ENTREP2: variants seen among roughly 807,000 people sequenced by gnomAD.
ENTREP2 encodes the protein protein ENTREP2.
chr15:29,566,946 G>C, the ENTREP2 span, among the ~76,000 whole-genome samples: 3 of 151,122 alleles, frequency 2.0e-5, no homozygotes, highest in African/African-American at 7.3e-5. Context: ...TCACAATGTA[G>C]CTGTTTGTCC....
the ENTREP2 span, chr15:29,234,005 G>A: frequency 6.7e-7 from 1 of 1,494,098 alleles, no homozygotes; most frequent in South Asian, 1.1e-5. Flanking sequence ...TGAAATATCT[G>A]ATTGACTTGT....
the ENTREP2 span, among the ~76,000 whole-genome samples, chr15:29,287,626 C>T: frequency 2.1e-3 from 320 of 152,252 alleles, no homozygotes; most frequent in African/African-American, 7.5e-3. Context: ...AGATAAATTA[C>T]GTGAGACCCA....
the ENTREP2 span, among the ~76,000 whole-genome samples, chr15:29,311,644 C>T: frequency 1.4e-4 from 21 of 152,208 alleles, no homozygotes; most frequent in African/African-American, 4.6e-4. Context: ...GAGCTGAGAT[C>T]GTGCCACTGC....
chr15:29,566,688 T>C, the ENTREP2 span, among the ~76,000 whole-genome samples: 1 of 152,094 alleles, frequency 6.6e-6, no homozygotes, highest in Non-Finnish European at 1.5e-5. Context: ...AACTCCTGAC[T>C]TCCAGTGGTC....
chr15:29,310,307 T>A, the ENTREP2 span, among the ~76,000 whole-genome samples: 1 of 152,006 alleles, frequency 6.6e-6, no homozygotes. Context: ...TTTTTTAAAA[T>A]CTCTTTAAAA....
the ENTREP2 span, among the ~76,000 whole-genome samples, chr15:29,404,598 G>GAGCA: frequency 6.6e-6 from 1 of 151,554 alleles, no homozygotes. Flanking sequence ...CGTTAGTAAG[G>GAGCA]GCTCCCTCGG....
At chr15:29,310,242 A>T in the ENTREP2 span, among the ~76,000 whole-genome samples, 1 of 152,256 alleles carries the variant, frequency 6.6e-6, no homozygotes, top group East Asian at 1.9e-4. Flanking sequence ...TCGCACTAAT[A>T]CCTTCAAGTC....
At chr15:29,571,930 G>C in the ENTREP2 span, among the ~76,000 whole-genome samples, 2 of 152,246 alleles carry the variant, frequency 1.3e-5, no homozygotes, top group East Asian at 3.9e-4. Flanking sequence ...GAGTAATAAA[G>C]GGAAACGGCC....
chr15:29,447,144 C>A, the ENTREP2 span, among the ~76,000 whole-genome samples: 1 of 152,070 alleles, frequency 6.6e-6, no homozygotes, highest in African/African-American at 2.4e-5. Flanking sequence ...ATTTAAAACA[C>A]AAATCAAATA....
chr15:29,134,594 A>G, the ENTREP2 span, among the ~76,000 whole-genome samples: 17 of 152,292 alleles, frequency 1.1e-4, no homozygotes, highest in East Asian at 7.7e-4. Flanking sequence ...CGCTGTCCAT[A>G]TATGACTCCA....
the ENTREP2 span, among the ~76,000 whole-genome samples, chr15:29,444,186 G>C: frequency 3.6e-3 from 231 of 63,526 alleles, 6 homozygotes; most frequent in African/African-American, 0.011. Flanking sequence ...AAGAAAGAAA[G>C]AAAGAAAGAA....
the ENTREP2 span, among the ~76,000 whole-genome samples, chr15:29,162,970 G>A: frequency 1.3e-5 from 2 of 152,098 alleles, no homozygotes; most frequent in African/African-American, 4.8e-5. Flanking sequence ...ACCCATAGAC[G>A]GTTCACATCA....
At chr15:29,507,332 A>G in the ENTREP2 span, among the ~76,000 whole-genome samples, 1 of 152,232 alleles carries the variant, frequency 6.6e-6, no homozygotes, top group Non-Finnish European at 1.5e-5. Flanking sequence ...CCCACTGTTG[A>G]TATTAGACAG....
At chr15:29,152,640 T>C in the ENTREP2 span, among the ~76,000 whole-genome samples, 1 of 152,240 alleles carries the variant, frequency 6.6e-6, no homozygotes, top group Non-Finnish European at 1.5e-5. Flanking sequence ...TATTCCACCA[T>C]ATGGATGTAC....
At chr15:29,556,982 G>A in the ENTREP2 span, among the ~76,000 whole-genome samples, 2 of 152,196 alleles carry the variant, frequency 1.3e-5, no homozygotes, top group Non-Finnish European at 2.9e-5. Flanking sequence ...AATGCTCAAG[G>A]TATTCCTTCT....
the ENTREP2 span, among the ~76,000 whole-genome samples, chr15:29,151,173 G>C: frequency 6.6e-6 from 1 of 152,128 alleles, no homozygotes; most frequent in South Asian, 2.1e-4. Flanking sequence ...ACATGTGTTA[G>C]TGAACCATGC....
the ENTREP2 span, among the ~76,000 whole-genome samples, chr15:29,571,044 ACCGGGCG>A: frequency 6.8e-6 from 1 of 146,146 alleles, no homozygotes; most frequent in Non-Finnish European, 1.5e-5. Flanking sequence ...CTGCTGCCGT[ACCGGGCG>A]CGAGCCGCTG....
chr15:29,297,678 C>G, the ENTREP2 span, among the ~76,000 whole-genome samples: 1 of 152,138 alleles, frequency 6.6e-6, no homozygotes. Context: ...AGAGAAAGAA[C>G]TGGAGTCTGA....
chr15:29,444,104 AAAAG>A, the ENTREP2 span, among the ~76,000 whole-genome samples: 7 of 151,194 alleles, frequency 4.6e-5, no homozygotes, highest in Non-Finnish European at 7.4e-5. Context: ...CTCCGTCTCA[AAAAG>A]AAAGAAAGAC....
Sources: gnomAD v4.1 joint callset for allele counts (sites outside exome capture counted in the v4.1 genomes callset) on GRCh38, gnomAD v4.1.1 for gene constraint, MANE v1.5 for transcripts, NCBI Gene and HGNC (gene_info 2026-07-23, HGNC 2026-07-21) for gene names.